Variants in SLC24A5 observed in about 807,000 individuals in gnomAD.
SLC24A5 encodes the protein sodium/potassium/calcium exchanger 5.
In SLC24A5, 46 loss-of-function variants were observed where a neutral mutation model predicts 51.6. The observed-to-expected ratio is 0.89, with a 90% CI of 0.70 to 1.14. The LOEUF (loss-of-function observed/expected upper bound fraction) is 1.14. SLC24A5 is among the 50% of genes most tolerant of loss of function. The pLI is 0.00. For synonymous variants in SLC24A5, 230 were observed against 214.9 expected, an observed-to-expected ratio of 1.07 and a Z score of -0.62; for missense variants, 581 against 604.1, an observed-to-expected ratio of 0.96 and a Z score of 0.40.
Position 48,136,954 on chromosome 15 carries a change from G to T in SLC24A5, c.862G>T (p.Val288Phe). 6.2e-7 allele frequency: 1 copy of T among 1,605,842 alleles called. No individual in the cohort carries two copies. Among genetic ancestry groups the T allele is most frequent in the Non-Finnish European group, 8.5e-7 (1 of 1,174,072 alleles). ...TATAAGTTTACATGGCCTTAGTCAGGTTTCTGAAGGTAATCACTAAATCTT... is the reference window on the plus strand; with the variant it reads ...TATAAGTTTACATGGCCTTAGTCAGTTTTCTGAAGGTAATCACTAAATCTT... ...LSISLHGLSQ[V>F]SEDPPSVFNM... The change falls in exon 6 of 9, where the codon GTT (valine) becomes TTT (phenylalanine). Residue 288 changes from valine to phenylalanine, a missense_variant. Val to Phe is a conservative substitution (Grantham distance 50, BLOSUM62 -1). Transcript: ENST00000341459.
chr15:48,127,635 A>G (rs1168590667), intron 2 of SLC24A5, among the ~76,000 whole-genome samples: 1 of 152,154 alleles, frequency 6.6e-6, no homozygotes, highest in Non-Finnish European at 1.5e-5. Context: ...CCTGGCCAAC[A>G]TGGTAAAACC....
chr15:48,125,787 T>C (rs568732772), intron 2 of SLC24A5, among the ~76,000 whole-genome samples: 6 of 152,196 alleles, frequency 3.9e-5, no homozygotes, highest in Non-Finnish European at 7.3e-5. Flanking sequence ...GATCATAATG[T>C]AGTACAGTGG....
intron 2 of SLC24A5, 114 bp downstream of exon 2, chr15:48,122,150 C>T: frequency 2.7e-6 from 3 of 1,116,724 alleles, no homozygotes; most frequent in East Asian, 2.4e-5. Flanking sequence ...TTGCAGAGCA[C>T]CAGCTTCTTG....
In SLC24A5 at chr15:48,121,060, G is replaced by A. The variant is rs199613368; in HGVS notation, c.16G>A (p.Gly6Ser). ...CACAGCAGAAATGCAGACAAAAGGG[G>A]GCCAAACATGGGCGAGAAGGGCTCT... MQTKG[G>S]QTWARRALLL... The change falls in exon 1 of 9, where the codon GGC (glycine) becomes AGC (serine). Residue 6 changes from glycine to serine, a missense_variant. Transcript: ENST00000341459. 1.9e-6 allele frequency: 3 copies of A among 1,613,778 alleles called. No homozygotes were observed.
intron 2 of SLC24A5, among the ~76,000 whole-genome samples, chr15:48,131,261 G>A (rs1199335182): frequency 2.0e-5 from 3 of 151,962 alleles, no homozygotes; most frequent in African/African-American, 7.3e-5. Context: ...TACACACACT[G>A]GTTAGAGTGA....
rs751738556 is a variant in SLC24A5 at position 48,136,693 on chromosome 15, G to A, written c.601G>A (p.Ala201Thr). The A allele has an allele frequency of 1.4e-5, 22 of 1,606,334 alleles. No individual in the cohort carries two copies. In the African/African-American group the frequency reaches 2.5e-4, roughly 19 times the overall value. The change falls in exon 6 of 9, where the codon GCT becomes ACT. Residue 201 changes from alanine to threonine, a missense_variant. Physicochemically the swap from Ala to Thr is moderately conservative, Grantham distance 58. Coordinates refer to ENST00000341459, the MANE Select transcript of SLC24A5 (RefSeq NM_205850.3). ...YDNQVYWYEG[A>T]LLLLIYGLYV... Reference sequence around the variant, plus strand: ...ATTTCTCTTTTGTAGGTATGAAGGGGCTTTACTGCTTTTGATATATGGATT... The same window carrying A: ...ATTTCTCTTTTGTAGGTATGAAGGGACTTTACTGCTTTTGATATATGGATT...
chr15:48,121,639 C>A (rs1456544465), intron 1 of SLC24A5, among the ~76,000 whole-genome samples: 4 of 152,136 alleles, frequency 2.6e-5, no homozygotes, highest in Non-Finnish European at 4.4e-5. Flanking sequence ...TCACCATCAT[C>A]AACATATTTC....
chr15:48,127,616 C>T (rs910182437), intron 2 of SLC24A5, among the ~76,000 whole-genome samples: 6 of 152,046 alleles, frequency 3.9e-5, no homozygotes, highest in Admixed American at 6.6e-5. Context: ...CCCAGGAGTT[C>T]GAGACCAGCC....
chr15:48,127,634 C>CA (rs2038745446), intron 2 of SLC24A5, among the ~76,000 whole-genome samples: 1 of 152,112 alleles, frequency 6.6e-6, no homozygotes, highest in Non-Finnish European at 1.5e-5. Context: ...GCCTGGCCAA[C>CA]ATGGTAAAAC....
intron 8 of SLC24A5, 86 bp downstream of exon 8, chr15:48,141,300 CG>C (rs1048381112): frequency 2.1e-5 from 24 of 1,138,974 alleles, no homozygotes; most frequent in Admixed American, 6.1e-5. Context: ...TACTTCCAGC[CG>C]GGTGTGGTGG....
At chr15:48,128,710 G>T (rs1187807055) in intron 2 of SLC24A5, among the ~76,000 whole-genome samples, 1 of 152,082 alleles carries the variant, frequency 6.6e-6, no homozygotes, top group Admixed American at 6.6e-5. Flanking sequence ...TCTCCTAAGA[G>T]TATTTCATCC....
At chr15:48,136,196 C>T (rs2038894037) in intron 5 of SLC24A5, 1 of 152,128 alleles carries the variant, frequency 6.6e-6, no homozygotes. Flanking sequence ...GCCTAAGCCT[C>T]CCATATCTGA....
At chr15:48,131,140 A>T (rs1228820350) in intron 2 of SLC24A5, among the ~76,000 whole-genome samples, 1 of 152,154 alleles carries the variant, frequency 6.6e-6, no homozygotes, top group Non-Finnish European at 1.5e-5. Flanking sequence ...AAAACAGTTA[A>T]TTACAGAGCC....
chr15:48,126,406 G>T (rs2038732088), intron 2 of SLC24A5, among the ~76,000 whole-genome samples: 1 of 152,122 alleles, frequency 6.6e-6, no homozygotes, highest in South Asian at 2.1e-4. Flanking sequence ...GAACACAGAG[G>T]GCTGAAATGA....
At chr15:48,122,912 C>A (rs1471782261) in intron 2 of SLC24A5, 1 of 152,180 alleles carries the variant, frequency 6.6e-6, no homozygotes, top group Non-Finnish European at 1.5e-5. Flanking sequence ...CAAGACTGCA[C>A]AGTAACAGCA....
rs1448617931 is a variant in SLC24A5 at position 48,142,009 on chromosome 15, AG to A, written c.1181-19del. On this transcript the variant is annotated intron_variant, in intron 8 of 8. Coordinates refer to ENST00000341459, the MANE Select transcript of SLC24A5 (RefSeq NM_205850.3). ...ACAGTATTGGTAAGCACATTTTAAC[AG>A]TATGCTTTTCTTTTGTAGGGAAAGG... The A allele has an allele frequency of 1.3e-6, 2 of 1,561,122 alleles. No individual in the cohort carries two copies. Among genetic ancestry groups the A allele is most frequent in the East Asian group, 4.5e-5 (2 of 44,414 alleles).
chr15:48,140,544 T>C (rs554958539), intron 7 of SLC24A5: 7 of 152,292 alleles, frequency 4.6e-5, no homozygotes, highest in African/African-American at 1.7e-4. Context: ...TATTAATAAA[T>C]TGGGACCATA....
At chr15:48,134,397 A>T (rs750209316) in intron 3 of SLC24A5, 38 bp from the exon 4 acceptor site, 4 of 1,609,528 alleles carry the variant, frequency 2.5e-6, no homozygotes, top group Non-Finnish European at 3.4e-6. Context: ...ATTTTCTTCA[A>T]GTTAACACTA....
intron 2 of SLC24A5, among the ~76,000 whole-genome samples, chr15:48,125,296 T>A (rs1259806214): frequency 6.7e-6 from 1 of 149,766 alleles, no homozygotes; most frequent in African/African-American, 2.4e-5. Context: ...TGATTTTATA[T>A]ATATATATAT....
Sources: allele counts gnomAD v4.1 joint callset (sites outside exome capture counted in the v4.1 genomes callset), GRCh38; gene constraint gnomAD v4.1.1; transcripts MANE v1.5; gene names NCBI Gene and HGNC (gene_info 2026-07-23, HGNC 2026-07-21).